Variants in SBK3 observed in about 807,000 individuals in gnomAD.
The protein encoded by SBK3 is uncharacterized serine/threonine-protein kinase SBK3.
A neutral mutation model predicts 12.7 loss-of-function variants in SBK3; 16 were observed. That is an observed-to-expected ratio of 1.26 (90% CI 0.86 to 1.92). SBK3 has a LOEUF of 1.92. Among genes scored for constraint, SBK3 ranks in the 40% most tolerant of loss-of-function variants. The pLI, the probability that SBK3 is intolerant of heterozygous loss-of-function variation, is 0.00. For missense variants in SBK3, 462 were observed against 481.8 expected, an observed-to-expected ratio of 0.96 and a Z score of 0.38; for synonymous variants, 217 against 213.6, an observed-to-expected ratio of 1.02 and a Z score of -0.14.
chr19:55,541,550 G>C lies in SBK3; in HGVS notation c.400-24C>G. 6.8e-7 allele frequency: 1 copy of C among 1,469,698 alleles called. No homozygotes were observed. Among genetic ancestry groups the C allele is most frequent in the Non-Finnish European group, 9.0e-7 (1 of 1,107,744 alleles). 91.0% of individuals were successfully genotyped at this position (1,469,698 alleles called of 1,614,324 possible). ...CCCTGAGGTCAAGAAGACAGGAGGA[G>C]GGTCAGAGTGTCTTGGTTTTGTCTT... On this transcript the variant is annotated intron_variant, in intron 3 of 3. Coordinates refer to ENST00000612221, the MANE Select transcript of SBK3 (RefSeq NM_001199824.2). This position sits in a 1 kb window ranked among gnomAD's most constrained non-coding sequence, Gnocchi z 5.3.
chr19:55,545,209 G>C lies in SBK3; in HGVS notation c.46-260C>G, dbSNP rs958198604. 2.6e-5 allele frequency: 15 copies of C among 579,376 alleles called. No individual in the cohort carries two copies. The highest frequency in any genetic ancestry group is 4.6e-5 in the Non-Finnish European group (15 of 327,834). 35.9% of individuals were successfully genotyped at this position (579,376 alleles called of 1,614,324 possible). ...GCAGGCCAGGAGCCCCCAGCCCCGA[G>C]TGGGGGTGCATCCTCAGCCCACACA... is the stretch of plus-strand genomic sequence containing the variant. On this transcript the variant is annotated intron_variant, in intron 1 of 3. Transcript: ENST00000612221. The surrounding 1 kb of genome is among the most constrained non-coding windows in gnomAD (Gnocchi z 4.4).
chr19:55,541,526 C>T lies in SBK3; in HGVS notation c.400G>A (p.Gly134Ser). ...CGCTTCACCAGCAGTTCTGGGAGGC[C>T]CTGAGGTCAAGAAGACAGGAGGAGG... is the stretch of plus-strand genomic sequence containing the variant. ...GDLSGMLQERGLPELLVKRVV... is the reference protein window; with the variant it reads ...GDLSGMLQERSLPELLVKRVV... Residue 134 changes from glycine (G) to serine (S), a missense_variant and splice_region_variant, in exon 4 of 4, where the codon GGC becomes AGC. Coordinates refer to ENST00000612221, the MANE Select transcript of SBK3 (RefSeq NM_001199824.2). The surrounding 1 kb of genome is among the most constrained non-coding windows in gnomAD (Gnocchi z 5.3). The T allele has an allele frequency of 1.4e-5, 21 of 1,505,798 alleles. No homozygotes were observed. Among genetic ancestry groups the T allele is most frequent in the Non-Finnish European group, 1.9e-5 (21 of 1,127,822 alleles). 93.3% of individuals were successfully genotyped at this position (1,505,798 alleles called of 1,614,324 possible).
rs1371885568 is a variant in SBK3 at position 55,541,108 on chromosome 19, T to C, written c.818A>G (p.Asp273Gly). The change falls in exon 4 of 4, where the codon GAC (aspartate) becomes GGC (glycine). Residue 273 changes from aspartate to glycine, a missense_variant. Asp to Gly is a moderately conservative substitution (Grantham distance 94, BLOSUM62 -1). Coordinates refer to ENST00000612221, the MANE Select transcript of SBK3 (RefSeq NM_001199824.2). This position sits in a 1 kb window ranked among gnomAD's most constrained non-coding sequence, Gnocchi z 5.3. The part of the protein sequence containing the change: ...PQPPQPPPPW[D>G]QFAPPALALL... ...GGCCAGGGCTGGGGGCGCAAACTGG[T>C]CCCAGGGTGGTGGTGGCTGAGGTGG... 12 of 1,535,704 alleles carry C rather than the reference T, an allele frequency of 7.8e-6. No homozygotes were observed. The highest frequency in any genetic ancestry group is 2.4e-5 in the South Asian group (2 of 84,018).
chr19:55,545,286 TC>T lies in SBK3; in HGVS notation c.45+212del. 1.7e-6 allele frequency: 1 copy of T among 591,910 alleles called. No homozygotes were observed. The highest frequency in any genetic ancestry group is 3.0e-6 in the Non-Finnish European group (1 of 334,314). 36.7% of individuals were successfully genotyped at this position (591,910 alleles called of 1,614,324 possible). A position where few individuals can be genotyped will look rare whatever the true frequency, so the allele number is the denominator to read the frequency against. ...CTCCACCGTCCTCTTCCCCTGTGCA[TC>T]CCGCTGTGTGTTTCTGAGTCCAATT... is the stretch of plus-strand genomic sequence containing the variant. On this transcript the variant is annotated intron_variant, in intron 1 of 3. Coordinates refer to ENST00000612221, the MANE Select transcript of SBK3 (RefSeq NM_001199824.2). This position sits in a 1 kb window ranked among gnomAD's most constrained non-coding sequence, Gnocchi z 4.4.
intron 3 of SBK3, among the ~76,000 whole-genome samples, chr19:55,543,315 TCCATCCATCCATCCATCCACCCAC>T (rs1988605186): frequency 9.3e-6 from 1 of 107,382 alleles, no homozygotes; most frequent in Non-Finnish European, 1.9e-5. Context: ...CATCCATCCA[TCCATCCATCCATCCATCCACCCAC>T]CCACCCACCC....
intron 2 of SBK3, 136 bp downstream of exon 2, chr19:55,544,663 G>T: frequency 1.1e-6 from 1 of 880,520 alleles, no homozygotes; most frequent in Non-Finnish European, 1.7e-6. Context: ...AGATCCCAGA[G>T]CTCTTAACTT....
Position 55,541,284 on chromosome 19 carries a change from GGGCGGTAGCAGGAGACAGAGCTCA to G in SBK3, c.618_641del (p.Glu207_Pro214del). ...CGGCTGGCCGCAGAGGCAGGGTGTC[GGGCGGTAGCAGGAGACAGAGCTCA>G]GGCGGTGCCGTGGGCAGAGGCACTG... On this transcript the variant is annotated inframe_deletion, in exon 4 of 4. Transcript: ENST00000612221. This position sits in a 1 kb window ranked among gnomAD's most constrained non-coding sequence, Gnocchi z 5.3. 6.5e-7 allele frequency: 1 copy of G among 1,535,758 alleles called. No homozygotes were observed. The highest frequency in any genetic ancestry group is 8.7e-7 in the Non-Finnish European group (1 of 1,146,776).
rs558497024 is a variant in SBK3 at position 55,544,603 on chromosome 19, A to G, written c.196+196T>C. ...AGTTGCATACCTGTCCTGCTGTGGG[A>G]CCGTAGGCAGTCCCTCGCCCTCTCT... is the stretch of plus-strand genomic sequence containing the variant. On this transcript the variant is annotated intron_variant, in intron 2 of 3. Coordinates refer to ENST00000612221, the MANE Select transcript of SBK3 (RefSeq NM_001199824.2). Among the ~76,000 whole-genome samples the G allele has an allele frequency of 6.6e-5, 10 of 152,154 alleles. No individual in the cohort carries two copies. In the East Asian group the frequency reaches 1.7e-3, roughly 26 times the overall value.
chr19:55,544,029 A>G, intron 3 of SBK3, 71 bp downstream of exon 3: 1 of 1,319,058 alleles, frequency 7.6e-7, no homozygotes, highest in Non-Finnish European at 1.0e-6. Flanking sequence ...AGAGTTGGAG[A>G]CAGAGACGGG....
rs747556214 is a variant in SBK3 at position 55,541,765 on chromosome 19, A to G, written c.400-239T>C. Among the ~76,000 whole-genome samples, 3 of 152,164 alleles carry G rather than the reference A, an allele frequency of 2.0e-5. No homozygotes were observed. The highest frequency in any genetic ancestry group is 4.4e-5 in the Non-Finnish European group (3 of 68,022). ...TTGGGGTTTGAGAATCTAGAACCCC[A>G]GACTAGTGGCTACCTCCAGTGTTCC... On this transcript the variant is annotated intron_variant, in intron 3 of 3. Transcript: ENST00000612221. This position sits in a 1 kb window ranked among gnomAD's most constrained non-coding sequence, Gnocchi z 5.3.
chr19:55,544,075 C>T, intron 3 of SBK3, 25 bp downstream of exon 3: 2 of 1,447,536 alleles, frequency 1.4e-6, no homozygotes. Context: ...TAAGCACTCC[C>T]AACCTTTGTC....
At position 55,545,063 on chromosome 19, in the gene SBK3, A is replaced by G; in HGVS notation, c.46-114T>C. 1.3e-6 allele frequency: 1 copy of G among 768,238 alleles called. No homozygotes were observed. The allele number at this position is 768,238 out of a possible 1,614,324, so 47.6% of individuals were successfully genotyped here. A position where few individuals can be genotyped will look rare whatever the true frequency, so the allele number is the denominator to read the frequency against. On this transcript the variant is annotated intron_variant, in intron 1 of 3. Coordinates refer to ENST00000612221, the MANE Select transcript of SBK3 (RefSeq NM_001199824.2). This position sits in a 1 kb window ranked among gnomAD's most constrained non-coding sequence, Gnocchi z 4.4. ...GAGGGTGGGGCAGGGGACAGGGGTC[A>G]CTGTCCCCAGAGAGGAGGATGAGTC...
rs770378082 is a variant in SBK3 at position 55,541,268 on chromosome 19, G to A, written c.658C>T (p.Arg220Trp). 1.7e-5 allele frequency: 26 copies of A among 1,535,774 alleles called. No homozygotes were observed. The highest frequency in any genetic ancestry group is 1.6e-4 in the Admixed American group (8 of 50,978). The part of the protein sequence containing the change: ...LLLPPDTLPL[R>W]PAVDSWGLGV... ...AGGCCCCAGGAGTCCACGGCTGGCC[G>A]CAGAGGCAGGGTGTCGGGCGGTAGC... Residue 220 changes from arginine (R) to tryptophan (W), a missense_variant, in exon 4 of 4, where the codon CGG becomes TGG. Coordinates refer to ENST00000612221, the MANE Select transcript of SBK3 (RefSeq NM_001199824.2). This position sits in a 1 kb window ranked among gnomAD's most constrained non-coding sequence, Gnocchi z 5.3.
Position 55,544,869 on chromosome 19 carries a change from C to T in SBK3, c.126G>A (p.Gln42=). 6.5e-7 allele frequency: 1 copy of T among 1,534,338 alleles called. No individual in the cohort carries two copies. Among genetic ancestry groups the T allele is most frequent in the Non-Finnish European group, 8.7e-7 (1 of 1,146,386 alleles). The change falls in exon 2 of 4, where the codon CAG becomes CAA. Residue 42 remains glutamine, a synonymous_variant. Transcript: ENST00000612221. ...AGCCCAGCTTCCGGATGAGGTGGTA[C>T]TGGTCCCGAAGGCTCCTCACCGGGG... ...RVTPVRSLRD[Q]YHLIRKLGSG... is the part of the protein sequence containing the mutation.
Position 55,545,319 on chromosome 19 carries a change from G to A in SBK3, c.45+180C>T. 1.7e-6 allele frequency: 1 copy of A among 601,508 alleles called. No individual in the cohort carries two copies. The highest frequency in any genetic ancestry group is 2.1e-5 in the South Asian group (1 of 48,598). 37.3% of individuals were successfully genotyped at this position (601,508 alleles called of 1,614,324 possible). ...TGTGTTTCTGAGTCCAATTCTCTGG[G>A]GGCCTTGGTCTCGCTGTGTGTCCTT... On this transcript the variant is annotated intron_variant, in intron 1 of 3. Transcript: ENST00000612221. This position sits in a 1 kb window ranked among gnomAD's most constrained non-coding sequence, Gnocchi z 4.4.
rs752070481 is a variant in SBK3 at position 55,540,880 on chromosome 19, C to A, written c.1046G>T (p.Gly349Val). Reference protein sequence around the residue: ...WTDEGDDSKSGGRTGTDGGAP With the variant: ...WTDEGDDSKSVGRTGTDGGAP The stretch of plus-strand genomic sequence containing the variant: ...TCCCCCATCTGTCCCCGTCCTCCCA[C>A]CACTTTTGCTGTCATCACCCTCATC... Residue 349 changes from glycine (G) to valine (V), a missense_variant, in exon 4 of 4, where the codon GGT (glycine) becomes GTT (valine). Coordinates refer to ENST00000612221, the MANE Select transcript of SBK3 (RefSeq NM_001199824.2). The A allele has an allele frequency of 1.3e-6, 2 of 1,536,150 alleles. No individual in the cohort carries two copies. Among genetic ancestry groups the A allele is most frequent in the Non-Finnish European group, 8.7e-7 (1 of 1,146,900 alleles).
intron 3 of SBK3, among the ~76,000 whole-genome samples, chr19:55,543,755 C>T (rs1251589498): frequency 1.3e-5 from 2 of 152,172 alleles, no homozygotes; most frequent in Non-Finnish European, 2.9e-5. Context: ...CAACTCTAAA[C>T]TCAACCCACC....
rs1286616823 is a variant in SBK3, at chr19:55,541,533, T to C, written c.400-7A>G. The C allele has an allele frequency of 3.3e-6, 5 of 1,499,408 alleles. No homozygotes were observed. In the East Asian group the frequency reaches 7.4e-5, roughly 22 times the overall value. The allele number at this position is 1,499,408 out of a possible 1,614,324, so 92.9% of individuals were successfully genotyped here. A position where few individuals can be genotyped will look rare whatever the true frequency, so the allele number is the denominator to read the frequency against. The stretch of plus-strand genomic sequence containing the variant: ...CCAGCAGTTCTGGGAGGCCCTGAGG[T>C]CAAGAAGACAGGAGGAGGGTCAGAG... On this transcript the variant is annotated splice_polypyrimidine_tract_variant and splice_region_variant and intron_variant, in intron 3 of 3. Transcript: ENST00000612221. The surrounding 1 kb of genome is among the most constrained non-coding windows in gnomAD (Gnocchi z 5.3).
chr19:55,540,957 G>A lies in SBK3; in HGVS notation c.969C>T (p.Ala323=), dbSNP rs575359338. 1.8e-5 allele frequency: 28 copies of A among 1,535,820 alleles called. No individual in the cohort carries two copies. Among genetic ancestry groups the A allele is most frequent in the Admixed American group, 1.2e-4 (6 of 50,950 alleles). ...NREGPGVLGS[A]VSYEDREEGG... ...CCTCCTCCCTGTCCTCATAGGACAC[G>A]GCGCTCCCCAAAACCCCAGGTCCCT... is the stretch of plus-strand genomic sequence containing the variant. Residue 323 remains alanine (A), a synonymous_variant, in exon 4 of 4, where the codon GCC becomes GCT. Coordinates refer to ENST00000612221, the MANE Select transcript of SBK3 (RefSeq NM_001199824.2).
Sources: allele counts gnomAD v4.1 joint callset (sites outside exome capture counted in the v4.1 genomes callset), GRCh38; gene constraint gnomAD v4.1.1; non-coding constraint Gnocchi (gnomAD v3.1); transcripts MANE v1.5; gene names NCBI Gene and HGNC (gene_info 2026-07-23, HGNC 2026-07-21).